Variants in OXCT1 observed in about 807,000 individuals in gnomAD.
OXCT1 encodes the protein 3-oxoacid CoA-transferase 1, also known as succinyl-CoA:3-ketoacid coenzyme A transferase 1, mitochondrial.
In OXCT1, 27 loss-of-function variants were observed where a neutral mutation model predicts 69.6. The observed-to-expected ratio is 0.39, with a 90% CI of 0.29 to 0.54. The LOEUF is 0.54. Ranked by LOEUF, OXCT1 falls within the 20% of genes least tolerant of loss-of-function variation. The probability of loss-of-function intolerance (pLI) is 0.72; values close to 1 mark genes in which losing one functional copy is unlikely to be tolerated. For missense variants in OXCT1, 437 were observed against 650.2 expected (o/e 0.67, Z 3.57); for synonymous variants, 202 against 217.8 (o/e 0.93, Z 0.64).
At position 41,840,713 on chromosome 5, in the gene OXCT1, T is replaced by A. The variant is rs113461199; in HGVS notation, c.672-202A>T. On this transcript the variant is annotated intron_variant, in intron 6 of 16. Coordinates refer to ENST00000196371, the MANE Select transcript of OXCT1 (RefSeq NM_000436.4). Reference sequence around the variant, plus strand: ...AAAACCATAACTACTTTATTCAATGTATATAGTTTTGTTTTGAACAGGATT... The same window carrying A: ...AAAACCATAACTACTTTATTCAATGAATATAGTTTTGTTTTGAACAGGATT... Among the ~76,000 whole-genome samples the A allele has an allele frequency of 3.8e-3, 584 of 152,348 alleles. 4 individuals are homozygous for A. Among genetic ancestry groups the A allele is most frequent in the African/African-American group, 0.014 (566 of 41,586 alleles).
At chr5:41,805,712 G>A (rs1268276965) in intron 8 of OXCT1, 31 bp from the exon 9 acceptor site, 1 of 1,386,536 alleles carries the variant, frequency 7.2e-7, no homozygotes, top group Non-Finnish European at 1.0e-6. Flanking sequence ...AATTATTCGT[G>A]GTTGAGGTAT....
At chr5:41,786,334 T>C (rs1461107574) in intron 13 of OXCT1, among the ~76,000 whole-genome samples, 1 of 152,210 alleles carries the variant, frequency 6.6e-6, no homozygotes, top group Non-Finnish European at 1.5e-5. Context: ...TCTCCTGCTA[T>C]GTAAAATCTT....
chr5:41,846,213 G>A (rs1748897363), intron 5 of OXCT1, among the ~76,000 whole-genome samples: 3 of 150,326 alleles, frequency 2.0e-5, no homozygotes, highest in South Asian at 4.2e-4. Flanking sequence ...CATGTGCCAT[G>A]CTGGTGTGCT....
intron 7 of OXCT1, among the ~76,000 whole-genome samples, chr5:41,832,391 G>GAA (rs1748141932): frequency 6.6e-6 from 1 of 151,942 alleles, no homozygotes; most frequent in South Asian, 2.1e-4. Context: ...GAAAGTAAGG[G>GAA]AAAAGAACAG....
chr5:41,748,961 C>G (rs1743637248), intron 15 of OXCT1, among the ~76,000 whole-genome samples: 1 of 151,984 alleles, frequency 6.6e-6, no homozygotes, highest in Admixed American at 6.6e-5. Flanking sequence ...CTGGTCTGAG[C>G]AGCTTTCAGT....
intron 3 of OXCT1, among the ~76,000 whole-genome samples, chr5:41,854,317 AC>A (rs1265986832): frequency 1.3e-4 from 20 of 152,212 alleles, no homozygotes; most frequent in Non-Finnish European, 1.0e-4. Flanking sequence ...AATGGTATAC[AC>A]AGTGTTGACT....
intron 5 of OXCT1, among the ~76,000 whole-genome samples, chr5:41,846,051 C>T (rs1748886318): frequency 6.6e-6 from 1 of 151,972 alleles, no homozygotes; most frequent in Non-Finnish European, 1.5e-5. Flanking sequence ...CCCTGCATTC[C>T]CTCCCTAATT....
chr5:41,794,212 T>C, intron 12 of OXCT1, 134 bp from the exon 13 acceptor site: 1 of 733,558 alleles, frequency 1.4e-6, no homozygotes, highest in Non-Finnish European at 2.5e-6. Context: ...GATTTCCTAA[T>C]AGATCAGCTC....
intron 9 of OXCT1, 80 bp from the exon 10 acceptor site, chr5:41,803,243 A>C (rs1319549161): frequency 1.1e-6 from 1 of 911,606 alleles, no homozygotes; most frequent in Non-Finnish European, 1.8e-6. Context: ...TACAGATCTG[A>C]ACAGAAGCTT....
At chr5:41,764,893 G>A (rs1744523073) in intron 13 of OXCT1, among the ~76,000 whole-genome samples, 2 of 152,130 alleles carry the variant, frequency 1.3e-5, no homozygotes, top group Non-Finnish European at 2.9e-5. Flanking sequence ...GATAAGAGCA[G>A]TATCTTTTAA....
At chr5:41,833,502 G>A (rs545556162) in intron 7 of OXCT1, among the ~76,000 whole-genome samples, 5 of 139,618 alleles carry the variant, frequency 3.6e-5, no homozygotes, top group Non-Finnish European at 7.6e-5. Flanking sequence ...TACAAGAAGT[G>A]ATAGAGGGAG....
At chr5:41,818,703 T>C (rs535179670) in intron 7 of OXCT1, among the ~76,000 whole-genome samples, 1 of 152,306 alleles carries the variant, frequency 6.6e-6, no homozygotes, top group East Asian at 1.9e-4. Flanking sequence ...TATTTGCATA[T>C]GTTCTAATAT....
chr5:41,777,391 G>A lies in OXCT1; in HGVS notation c.1249-15191C>T, dbSNP rs562887846. ...AGATCGTGCCACTGCACTCCAGCCT[G>A]GGCGACAAAGTGAGACTCTGTCTTA... On this transcript the variant is annotated intron_variant, in intron 13 of 16. Transcript: ENST00000196371. 6.6e-5 allele frequency among the ~76,000 whole-genome samples: 10 copies of A among 152,260 alleles called. No individual in the cohort carries two copies. The South Asian group carries it at 1.9e-3, about 28-fold the overall frequency.
At chr5:41,781,924 C>T (rs1284018600) in intron 13 of OXCT1, among the ~76,000 whole-genome samples, 3 of 152,050 alleles carry the variant, frequency 2.0e-5, no homozygotes, top group East Asian at 1.9e-4. Flanking sequence ...ATAACACACA[C>T]GTTTCTTTAT....
At chr5:41,843,423 G>T (rs1461990072) in intron 5 of OXCT1, among the ~76,000 whole-genome samples, 1 of 152,012 alleles carries the variant, frequency 6.6e-6, no homozygotes, top group Non-Finnish European at 1.5e-5. Flanking sequence ...GTACTTAGTG[G>T]TTTCTCTTGC....
chr5:41,842,644 T>G (rs13164201), intron 6 of OXCT1, 31 bp downstream of exon 6: 4 of 1,423,572 alleles, frequency 2.8e-6, no homozygotes, highest in Non-Finnish European at 4.0e-6. Flanking sequence ...GTTGCTGATA[T>G]GCACGAGTGT....
intron 13 of OXCT1, among the ~76,000 whole-genome samples, chr5:41,768,480 C>T (rs1015248750): frequency 6.6e-6 from 1 of 152,134 alleles, no homozygotes; most frequent in South Asian, 2.1e-4. Context: ...ATGATCCAAA[C>T]TAAATTAAGT....
intron 7 of OXCT1, among the ~76,000 whole-genome samples, chr5:41,830,481 T>C (rs1469339309): frequency 6.6e-6 from 1 of 152,208 alleles, no homozygotes; most frequent in East Asian, 1.9e-4. Flanking sequence ...TTTAACCAGG[T>C]AAATTCTAAA....
intron 5 of OXCT1, chr5:41,843,639 T>C (rs1366583300): frequency 2.2e-6 from 1 of 455,616 alleles, no homozygotes; most frequent in East Asian, 7.0e-5. Context: ...ATTGCCACAC[T>C]CCATCACTGC....
Sources: allele counts gnomAD v4.1 joint callset (sites outside exome capture counted in the v4.1 genomes callset), GRCh38; gene constraint gnomAD v4.1.1; transcripts MANE v1.5; gene names NCBI Gene and HGNC (gene_info 2026-07-23, HGNC 2026-07-21).